Variants in HDAC4 observed in about 807,000 individuals in gnomAD.
HDAC4 encodes histone deacetylase A.
HDAC4 carries 16 observed loss-of-function variants against 135.1 expected under a neutral mutation model. That is an observed-to-expected ratio of 0.12 (90% CI 0.08 to 0.18). The LOEUF (loss-of-function observed/expected upper bound fraction) is 0.18. HDAC4 is among the 10% of genes least tolerant of loss of function. The probability of loss-of-function intolerance (pLI) is 1.00; values close to 1 mark genes in which losing one functional copy is unlikely to be tolerated. For synonymous variants in HDAC4, 685 were observed against 653.4 expected, an observed-to-expected ratio of 1.05 and a Z score of -0.74; for missense variants, 1,143 against 1,511.8, an observed-to-expected ratio of 0.76 and a Z score of 4.05.
At chr2:239,200,244 G>A (rs750559721) in intron 3 of HDAC4, among the ~76,000 whole-genome samples, 9 of 152,144 alleles carry the variant, frequency 5.9e-5, no homozygotes, top group Admixed American at 1.3e-4. Flanking sequence ...AGAGCACCTC[G>A]CGCTGAAGCT....
At chr2:239,098,689 G>T (rs892927318) in intron 16 of HDAC4, among the ~76,000 whole-genome samples, 20 of 152,182 alleles carry the variant, frequency 1.3e-4, no homozygotes, top group Admixed American at 2.6e-4. Flanking sequence ...GCGGCTTGTG[G>T]ATTCCATTAA....
intron 5 of HDAC4, among the ~76,000 whole-genome samples, chr2:239,168,875 C>G (rs1362907769): frequency 6.6e-6 from 1 of 152,190 alleles, no homozygotes; most frequent in Non-Finnish European, 1.5e-5. Flanking sequence ...TCTGACCACC[C>G]AAATCCTCAG....
intron 2 of HDAC4, among the ~76,000 whole-genome samples, chr2:239,273,251 T>C (rs546069059): frequency 8.3e-4 from 126 of 151,992 alleles, no homozygotes; most frequent in African/African-American, 2.9e-3. Flanking sequence ...GCCTCGTGGA[T>C]CAAGGAGGAC....
At chr2:239,293,071 A>G (rs545226626) in intron 2 of HDAC4, among the ~76,000 whole-genome samples, 9 of 152,226 alleles carry the variant, frequency 5.9e-5, no homozygotes, top group Admixed American at 5.2e-4. Context: ...GCCAGCGGCC[A>G]GCTCCCAGGT....
At chr2:239,259,349 G>C (rs1330745549) in intron 2 of HDAC4, among the ~76,000 whole-genome samples, 1 of 152,182 alleles carries the variant, frequency 6.6e-6, no homozygotes, top group African/African-American at 2.4e-5. Context: ...GGTGGCTGAG[G>C]TGGGGGACTG....
chr2:239,148,519 G>A (rs1437423809), intron 7 of HDAC4, among the ~76,000 whole-genome samples: 2 of 152,172 alleles, frequency 1.3e-5, no homozygotes, highest in African/African-American at 4.8e-5. Flanking sequence ...ACAAAGGCTC[G>A]GCCTTGAGAA....
chr2:239,141,340 CA>C lies in HDAC4; in HGVS notation c.866-1545del, dbSNP rs778101189. On this transcript the variant is annotated intron_variant, in intron 8 of 26. Coordinates refer to ENST00000543185, the MANE Select transcript of HDAC4 (RefSeq NM_001378414.1). The surrounding 1 kb of genome is among the most constrained non-coding windows in gnomAD (Gnocchi z 4.9). Reference sequence around the variant, plus strand: ...GCCGCTCCCCATGGCTCTTGGAGCTCAAAAGAGTGTGGGGTCAGCTCACTGT... The same window carrying C: ...GCCGCTCCCCATGGCTCTTGGAGCTCAAAGAGTGTGGGGTCAGCTCACTGT... Among the ~76,000 whole-genome samples the C allele has an allele frequency of 2.0e-5, 3 of 152,146 alleles. No homozygotes were observed. Among genetic ancestry groups the C allele is most frequent in the Non-Finnish European group, 2.9e-5 (2 of 68,020 alleles).
Position 239,068,151 on chromosome 2 carries a change from C to G in HDAC4, c.2869+338G>C, listed in dbSNP as rs115598584. 6.6e-3 allele frequency among the ~76,000 whole-genome samples: 1,004 copies of G among 152,268 alleles called. 14 individuals are homozygous for G. Among genetic ancestry groups the G allele is most frequent in the African/African-American group, 0.023 (944 of 41,540 alleles). ...GGAGCACCGCCTGCCAGAGAAGCGG[C>G]ATGGGGCACATCTCAGCTCTTGGTG... On this transcript the variant is annotated intron_variant, in intron 23 of 26. Coordinates refer to ENST00000543185, the MANE Select transcript of HDAC4 (RefSeq NM_001378414.1). This position sits in a 1 kb window ranked among gnomAD's most constrained non-coding sequence, Gnocchi z 4.4.
chr2:239,110,885 G>A (rs2152796631), intron 14 of HDAC4, among the ~76,000 whole-genome samples: 1 of 152,360 alleles, frequency 6.6e-6, no homozygotes, highest in African/African-American at 2.4e-5. Context: ...GCTAGCTCCA[G>A]GCAGACAAGT....
chr2:239,061,645 T>TG (rs2032759012), intron 24 of HDAC4, among the ~76,000 whole-genome samples: 1 of 152,154 alleles, frequency 6.6e-6, no homozygotes, highest in African/African-American at 2.4e-5. Context: ...GAAGAGTGAC[T>TG]GGAAGCAGGC....
intron 2 of HDAC4, among the ~76,000 whole-genome samples, chr2:239,346,487 C>CT (rs1431475067): frequency 2.0e-5 from 3 of 150,456 alleles, no homozygotes; most frequent in Non-Finnish European, 3.0e-5. Context: ...CACACCCATA[C>CT]TTTAACACAC....
chr2:239,291,478 C>T (rs1012565979), intron 2 of HDAC4, among the ~76,000 whole-genome samples: 1 of 152,226 alleles, frequency 6.6e-6, no homozygotes, highest in African/African-American at 2.4e-5. Flanking sequence ...TTCAAAGAAA[C>T]GTCATCATCT....
At chr2:239,132,219 C>T (rs890919731) in intron 11 of HDAC4, among the ~76,000 whole-genome samples, 1 of 152,236 alleles carries the variant, frequency 6.6e-6, no homozygotes, top group South Asian at 2.1e-4. Flanking sequence ...GGGCGGACCG[C>T]TTAGTATCCC....
At chr2:239,190,182 G>GA in intron 3 of HDAC4, 105 bp from the exon 4 acceptor site, 1 of 1,411,992 alleles carries the variant, frequency 7.1e-7, no homozygotes, top group South Asian at 1.4e-5. Context: ...GGCGGGGGGG[G>GA]GGTTGTGACC....
chr2:239,398,815 C>A (rs1696737369), intron 1 of HDAC4, among the ~76,000 whole-genome samples: 1 of 152,262 alleles, frequency 6.6e-6, no homozygotes, highest in Non-Finnish European at 1.5e-5. Context: ...TCCCTCCACC[C>A]CGTCCCCTTA....
At chr2:239,185,458 C>T (rs1211826118) in intron 4 of HDAC4, among the ~76,000 whole-genome samples, 2 of 148,164 alleles carry the variant, frequency 1.3e-5, no homozygotes, top group Non-Finnish European at 3.0e-5. Flanking sequence ...GTGTCCCGTG[C>T]CTCCTGGGGA....
intron 22 of HDAC4, among the ~76,000 whole-genome samples, chr2:239,070,196 G>A (rs368695908): frequency 1.3e-4 from 20 of 151,578 alleles, no homozygotes; most frequent in African/African-American, 4.3e-4. Context: ...CCTGCTGGGG[G>A]AGCCCACGTG....
intron 24 of HDAC4, among the ~76,000 whole-genome samples, chr2:239,065,527 A>G (rs1417834852): frequency 1.3e-5 from 2 of 152,110 alleles, no homozygotes; most frequent in Non-Finnish European, 2.9e-5. Flanking sequence ...GGGGGTGAAA[A>G]TGCAGGTTTC....
chr2:239,334,358 A>C (rs894151741), intron 2 of HDAC4, among the ~76,000 whole-genome samples: 1 of 152,022 alleles, frequency 6.6e-6, no homozygotes, highest in African/African-American at 2.4e-5. Context: ...CGTCTCTACA[A>C]AAAATAGAAA....
Sources: gnomAD v4.1 joint callset for allele counts (sites outside exome capture counted in the v4.1 genomes callset) on GRCh38, gnomAD v4.1.1 for gene constraint, Gnocchi (gnomAD v3.1) non-coding constraint, MANE v1.5 for transcripts, NCBI Gene and HGNC (gene_info 2026-07-23, HGNC 2026-07-21) for gene names.